COL4A1: variants seen among roughly 807,000 people sequenced by gnomAD.
COL4A1 encodes collagen type IV alpha 1 chain.
Under a neutral mutation model 216.6 loss-of-function variants are expected in COL4A1, and 40 were observed. The ratio of observed to expected loss-of-function variants is 0.18; its 90% CI spans 0.14 to 0.24. COL4A1 has a LOEUF of 0.24. Ranked by LOEUF, COL4A1 falls within the 10% of genes least tolerant of loss-of-function variation. The pLI, the probability that COL4A1 is intolerant of heterozygous loss-of-function variation, is 1.00. For missense variants in COL4A1, 1,628 were observed against 2,196.8 expected (o/e 0.74, Z 5.18); for synonymous variants, 839 against 810.7 (o/e 1.03, Z -0.59).
At position 110,173,943 on chromosome 13, in the gene COL4A1, G is replaced by C. The variant is rs1283241682; in HGVS notation, c.3462C>G (p.Gly1154=). ...TGPAGQKGEP[G]SDGIPGSAGE... ...CTGCTGACCCCGGGATTCCATCACT[G>C]CCTGGCTCCCCTTTCTGGCCAGCTG... The change falls in exon 40 of 52, where the codon GGC becomes GGG. Residue 1154 remains glycine, a synonymous_variant. Coordinates refer to ENST00000375820, the MANE Select transcript of COL4A1 (RefSeq NM_001845.6). 6.2e-7 allele frequency: 1 copy of C among 1,614,202 alleles called. No individual in the cohort carries two copies. Among genetic ancestry groups the C allele is most frequent in the Admixed American group, 1.7e-5 (1 of 60,030 alleles).
Position 110,214,353 on chromosome 13 carries a change from G to A in COL4A1, c.145-338C>T, listed in dbSNP as rs188335818. Among the ~76,000 whole-genome samples the A allele has an allele frequency of 3.8e-3, 573 of 152,282 alleles. 4 individuals carry two copies. The highest frequency in any genetic ancestry group is 0.013 in the African/African-American group (530 of 41,554). On this transcript the variant is annotated intron_variant, in intron 2 of 51. Transcript: ENST00000375820. Reference sequence around the variant, plus strand: ...GATCCACCCACCTCGGCCACCAAAAGTGCTGGGATTACAGGCATGGGCTAC... The same window carrying A: ...GATCCACCCACCTCGGCCACCAAAAATGCTGGGATTACAGGCATGGGCTAC...
At chr13:110,282,970 ATCCCAGTCGC>A (rs1430343722) in intron 1 of COL4A1, among the ~76,000 whole-genome samples, 1 of 152,220 alleles carries the variant, frequency 6.6e-6, no homozygotes, top group Non-Finnish European at 1.5e-5. Context: ...TGAGCCAGTG[ATCCCAGTCGC>A]TTCCAGGTGC....
chr13:110,163,602 T>G (rs1457342068), intron 46 of COL4A1, 41 bp from the exon 47 acceptor site: 2 of 1,537,072 alleles, frequency 1.3e-6, no homozygotes, highest in East Asian at 4.6e-5. Context: ...TGTATGGCAG[T>G]AAGCTGTATC....
At chr13:110,225,740 G>A (rs959355339) in intron 2 of COL4A1, among the ~76,000 whole-genome samples, 1 of 152,130 alleles carries the variant, frequency 6.6e-6, no homozygotes, top group African/African-American at 2.4e-5. Context: ...GTGAGCACGC[G>A]GAGCTCCGGG....
At chr13:110,193,630 C>T (rs538819890) in intron 22 of COL4A1, among the ~76,000 whole-genome samples, 6 of 152,362 alleles carry the variant, frequency 3.9e-5, no homozygotes, top group African/African-American at 1.4e-4. Context: ...ATCGAGGCGG[C>T]GTGGCCATGT....
intron 1 of COL4A1, among the ~76,000 whole-genome samples, chr13:110,300,138 A>T (rs545084996): frequency 6.6e-6 from 1 of 152,362 alleles, no homozygotes; most frequent in African/African-American, 2.4e-5. Flanking sequence ...TTGTTTATTT[A>T]ATAAATATGA....
chr13:110,215,897 T>G (rs886848932), intron 2 of COL4A1, among the ~76,000 whole-genome samples: 1 of 152,186 alleles, frequency 6.6e-6, no homozygotes, highest in South Asian at 2.1e-4. Context: ...GCTCCATTTT[T>G]ACAAACGCAG....
intron 42 of COL4A1, among the ~76,000 whole-genome samples, chr13:110,170,073 G>A (rs1197722053): frequency 7.8e-6 from 1 of 128,316 alleles, no homozygotes; most frequent in Non-Finnish European, 1.6e-5. Flanking sequence ...GGGAGGAGGG[G>A]AGGGGAGGGG....
intron 49 of COL4A1, among the ~76,000 whole-genome samples, chr13:110,157,488 C>T (rs970363825): frequency 6.6e-6 from 1 of 152,192 alleles, no homozygotes; most frequent in East Asian, 1.9e-4. Flanking sequence ...GTTCAGTAAC[C>T]GTGGAAACCT....
At chr13:110,283,314 T>A (rs1409073518) in intron 1 of COL4A1, among the ~76,000 whole-genome samples, 2 of 152,254 alleles carry the variant, frequency 1.3e-5, no homozygotes, top group Non-Finnish European at 2.9e-5. Context: ...CAGCTAGTTT[T>A]TAAATCATAC....
intron 1 of COL4A1, among the ~76,000 whole-genome samples, chr13:110,301,806 G>A (rs188146660): frequency 3.4e-4 from 52 of 152,256 alleles, no homozygotes; most frequent in Admixed American, 9.8e-4. Flanking sequence ...GCCGTATGTC[G>A]AGGAGTAGCA....
At chr13:110,247,836 G>GTGTGTGT (rs1566411252) in intron 1 of COL4A1, among the ~76,000 whole-genome samples, 1,797 of 78,538 alleles carry the variant, frequency 0.023, 88 homozygotes, top group South Asian at 0.044. Context: ...TGTGTGTGTG[G>GTGTGTGT]CAGAGAGAGA....
intron 22 of COL4A1, among the ~76,000 whole-genome samples, chr13:110,194,049 G>A (rs748112007): frequency 1.9e-4 from 29 of 152,148 alleles, no homozygotes; most frequent in African/African-American, 6.5e-4. Context: ...ACCTCTGGAC[G>A]CTGGATCTGT....
At chr13:110,294,275 A>T (rs937269666) in intron 1 of COL4A1, among the ~76,000 whole-genome samples, 4 of 152,334 alleles carry the variant, frequency 2.6e-5, no homozygotes, top group Admixed American at 1.3e-4. Context: ...CCCTTCACAC[A>T]GGGTCCGGCT....
intron 1 of COL4A1, 135 bp downstream of exon 1, chr13:110,306,809 C>A: frequency 1.3e-6 from 1 of 749,040 alleles, no homozygotes; most frequent in Non-Finnish European, 1.9e-6. Flanking sequence ...GAACCCCGGC[C>A]CAGAGAATGC....
chr13:110,186,112 G>A (rs544432975), intron 26 of COL4A1, among the ~76,000 whole-genome samples: 1 of 152,296 alleles, frequency 6.6e-6, no homozygotes, highest in African/African-American at 2.4e-5. Context: ...TCTATACAAA[G>A]GCTGACTTTA....
At chr13:110,288,147 C>T (rs958418013) in intron 1 of COL4A1, among the ~76,000 whole-genome samples, 1 of 151,628 alleles carries the variant, frequency 6.6e-6, no homozygotes, top group Admixed American at 6.6e-5. Context: ...ACCTGTAATC[C>T]CAGTTACTCG....
intron 28 of COL4A1, among the ~76,000 whole-genome samples, chr13:110,182,491 G>A (rs1878212920): frequency 6.6e-6 from 1 of 152,168 alleles, no homozygotes; most frequent in Admixed American, 6.5e-5. Flanking sequence ...TGAGGGACAA[G>A]TAGACCTAAG....
chr13:110,172,813 C>T (rs777658035), intron 40 of COL4A1, 43 bp from the exon 41 acceptor site: 1 of 1,529,646 alleles, frequency 6.5e-7, no homozygotes, highest in South Asian at 1.1e-5. Flanking sequence ...TTTACTTAAA[C>T]AATCCATCTG....
Sources: gnomAD v4.1 joint callset for allele counts (sites outside exome capture counted in the v4.1 genomes callset) on GRCh38, gnomAD v4.1.1 for gene constraint, MANE v1.5 for transcripts, NCBI Gene and HGNC (gene_info 2026-07-23, HGNC 2026-07-21) for gene names.